The following RALGAPA2 variants were observed in gnomAD, a reference collection of about 807,000 sequenced individuals.
The protein encoded by RALGAPA2 is Ral GTPase activating protein catalytic subunit alpha 2, also known as ral GTPase-activating protein subunit alpha-2.
Under a neutral mutation model 230.4 loss-of-function variants are expected in RALGAPA2, and 139 were observed. That is an observed-to-expected ratio of 0.60 (90% CI 0.53 to 0.69). RALGAPA2 has a LOEUF of 0.69. RALGAPA2 is among the 30% of genes least tolerant of loss of function. RALGAPA2 has a pLI of 0.00. For synonymous variants in RALGAPA2, 847 were observed against 837.8 expected, an observed-to-expected ratio of 1.01 and a Z score of -0.19; for missense variants, 2,163 against 2,276.0, an observed-to-expected ratio of 0.95 and a Z score of 1.01.
At chr20:20,418,242 A>G (rs770776788) in intron 37 of RALGAPA2, among the ~76,000 whole-genome samples, 1 of 152,366 alleles carries the variant, frequency 6.6e-6, no homozygotes, top group South Asian at 2.1e-4. Context: ...ATGACTGGCA[A>G]TTAAGTTGCT....
intron 9 of RALGAPA2, among the ~76,000 whole-genome samples, chr20:20,632,266 G>A (rs1039135286): frequency 1.3e-4 from 19 of 151,822 alleles, no homozygotes; most frequent in Non-Finnish European, 1.6e-4. Flanking sequence ...TCCTGACCTC[G>A]TGATCCGCCC....
chr20:20,532,342 C>T (rs1408046721), intron 26 of RALGAPA2, among the ~76,000 whole-genome samples: 19 of 152,242 alleles, frequency 1.2e-4, no homozygotes, highest in Admixed American at 2.0e-4. Context: ...GCCGACCATG[C>T]CATATACATT....
chr20:20,415,459 C>T (rs557726562), intron 37 of RALGAPA2, among the ~76,000 whole-genome samples: 1 of 152,260 alleles, frequency 6.6e-6, no homozygotes, highest in African/African-American at 2.4e-5. Context: ...CAACAAAGTA[C>T]TTTTTTAAAG....
intron 31 of RALGAPA2, among the ~76,000 whole-genome samples, chr20:20,517,888 G>A (rs2062921528): frequency 6.6e-6 from 1 of 150,844 alleles, no homozygotes; most frequent in Admixed American, 6.6e-5. Context: ...AAATGAGAAG[G>A]AACCAGAAAA....
At chr20:20,635,868 T>A (rs1423898502) in intron 8 of RALGAPA2, among the ~76,000 whole-genome samples, 1 of 152,242 alleles carries the variant, frequency 6.6e-6, no homozygotes. Flanking sequence ...ATGGAAAAAC[T>A]AAGCTAACAA....
In RALGAPA2 at chr20:20,418,804, T is replaced by C. The variant is rs928864356; in HGVS notation, c.5496-6656A>G. Among the ~76,000 whole-genome samples the C allele has an allele frequency of 3.9e-5, 6 of 152,290 alleles. No individual in the cohort carries two copies. In the East Asian group the frequency reaches 1.2e-3, roughly 29 times the overall value. On this transcript the variant is annotated intron_variant, in intron 37 of 39. Transcript: ENST00000202677. ...CCTAGTATGGAGTGCAGTGGAGCCA[T>C]CATAGCTTACTGCCACCTTGAAGTC...
chr20:20,503,092 G>C (rs2062425268), intron 35 of RALGAPA2, among the ~76,000 whole-genome samples: 1 of 152,168 alleles, frequency 6.6e-6, no homozygotes, highest in Non-Finnish European at 1.5e-5. Context: ...AGCCCCACCA[G>C]TACAGGGTCA....
chr20:20,679,359 T>C (rs1197857531), intron 2 of RALGAPA2, among the ~76,000 whole-genome samples: 1 of 152,196 alleles, frequency 6.6e-6, no homozygotes, highest in African/African-American at 2.4e-5. Context: ...CACAACACTT[T>C]TCTTTTCCCT....
rs1299085591 is a variant in RALGAPA2 at position 20,629,262 on chromosome 20, T to C, written c.1233+101A>G. The stretch of plus-strand genomic sequence containing the variant: ...TAACCCAACTCACCAATTCTATTTG[T>C]TGGCGTGTTACAAGTAAAAGAACAT... On this transcript the variant is annotated intron_variant, in intron 10 of 39. Coordinates refer to ENST00000202677, the MANE Select transcript of RALGAPA2 (RefSeq NM_020343.4). 3.3e-6 allele frequency: 3 copies of C among 922,274 alleles called. No individual in the cohort carries two copies. In the East Asian group the frequency reaches 7.9e-5, roughly 24 times the overall value. The allele number at this position is 922,274 out of a possible 1,614,324, so 57.1% of individuals were successfully genotyped here.
intron 36 of RALGAPA2, among the ~76,000 whole-genome samples, chr20:20,491,853 A>G (rs985394348): frequency 3.3e-5 from 5 of 152,136 alleles, no homozygotes; most frequent in African/African-American, 9.7e-5. Context: ...AATGAAAAAA[A>G]GAAGTTCAAT....
At chr20:20,502,000 C>T (rs1220462864) in intron 35 of RALGAPA2, among the ~76,000 whole-genome samples, 5 of 151,918 alleles carry the variant, frequency 3.3e-5, no homozygotes, top group African/African-American at 7.3e-5. Context: ...AAAACAATTA[C>T]GATAGCAACA....
chr20:20,416,711 C>T (rs968312654), intron 37 of RALGAPA2, among the ~76,000 whole-genome samples: 4 of 152,322 alleles, frequency 2.6e-5, no homozygotes, highest in Admixed American at 2.6e-4. Context: ...TTTCTTTTTA[C>T]TCATTCGGGC....
intron 1 of RALGAPA2, among the ~76,000 whole-genome samples, chr20:20,694,059 G>A (rs536330318): frequency 6.6e-6 from 1 of 151,814 alleles, no homozygotes; most frequent in African/African-American, 2.4e-5. Context: ...AGCCATGATT[G>A]AGCCACTGCA....
At chr20:20,692,269 T>C (rs1285563276) in intron 1 of RALGAPA2, among the ~76,000 whole-genome samples, 1 of 152,254 alleles carries the variant, frequency 6.6e-6, no homozygotes, top group Non-Finnish European at 1.5e-5. Flanking sequence ...ATGTTGTACA[T>C]ACCTGTTTAA....
rs1236364560 is a variant in RALGAPA2, at chr20:20,392,767, T to C, written c.*522A>G. ...ACATAAAAGGAACTAGCAAAATCAA[T>C]GCAGATCAGATTCCTCAATTAGACA... On this transcript the variant is annotated 3_prime_UTR_variant, in exon 40 of 40. Transcript: ENST00000202677. 5.6e-6 allele frequency: 1 copy of C among 177,450 alleles called. No homozygotes were observed. The highest frequency in any genetic ancestry group is 1.2e-5 in the Non-Finnish European group (1 of 82,492). 11.0% of individuals were successfully genotyped at this position (177,450 alleles called of 1,614,324 possible).
At chr20:20,603,463 T>C (rs1364032196) in intron 15 of RALGAPA2, among the ~76,000 whole-genome samples, 1 of 152,180 alleles carries the variant, frequency 6.6e-6, no homozygotes, top group Non-Finnish European at 1.5e-5. Flanking sequence ...TGTAATGACA[T>C]TAGGCTTCAT....
At chr20:20,663,291 A>C (rs767728155) in intron 3 of RALGAPA2, among the ~76,000 whole-genome samples, 2 of 152,166 alleles carry the variant, frequency 1.3e-5, no homozygotes, top group Admixed American at 6.5e-5. Context: ...CCAATACTGA[A>C]CAAAATAAAC....
chr20:20,502,982 G>A (rs1602567548), intron 35 of RALGAPA2, among the ~76,000 whole-genome samples: 1 of 152,172 alleles, frequency 6.6e-6, no homozygotes, highest in Admixed American at 6.5e-5. Context: ...AAAGGTAAGG[G>A]GCAACAGTGG....
rs2059773359 is a variant in RALGAPA2, at chr20:20,398,913, A to G, written c.5618-2179T>C. On this transcript the variant is annotated intron_variant, in intron 38 of 39. Transcript: ENST00000202677. This position sits in a 1 kb window ranked among gnomAD's most constrained non-coding sequence, Gnocchi z 4.5. ...ACCCCTTGGGGTGGCAAAATAGCCTACTCTTTATATGCATACAGCACAGGT... is the reference window on the plus strand; with the variant it reads ...ACCCCTTGGGGTGGCAAAATAGCCTGCTCTTTATATGCATACAGCACAGGT... Among the ~76,000 whole-genome samples the G allele has an allele frequency of 6.6e-6, 1 of 152,244 alleles. No homozygotes were observed. Among genetic ancestry groups the G allele is most frequent in the East Asian group, 1.9e-4 (1 of 5,166 alleles).
Sources: allele counts gnomAD v4.1 joint callset (sites outside exome capture counted in the v4.1 genomes callset), GRCh38; gene constraint gnomAD v4.1.1; non-coding constraint Gnocchi (gnomAD v3.1); transcripts MANE v1.5; gene names NCBI Gene and HGNC (gene_info 2026-07-23, HGNC 2026-07-21).